Variants in KPNA1 observed in about 807,000 individuals in gnomAD.
KPNA1 encodes the protein karyopherin subunit alpha 1.
In KPNA1, 10 loss-of-function variants were observed where a neutral mutation model predicts 70.5. The ratio of observed to expected loss-of-function variants is 0.14; its 90% confidence interval spans 0.09 to 0.24. KPNA1 has a LOEUF of 0.24. Among genes scored for constraint, KPNA1 ranks in the 10% least tolerant of loss-of-function variants. KPNA1 has a pLI of 1.00. For missense variants in KPNA1, 397 were observed against 637.9 expected, an observed-to-expected ratio of 0.62 and a Z score of 4.07; for synonymous variants, 192 against 221.9, an observed-to-expected ratio of 0.87 and a Z score of 1.20.
At chr3:122,481,275 A>C (rs2076567679) in intron 2 of KPNA1, among the ~76,000 whole-genome samples, 1 of 152,210 alleles carries the variant, frequency 6.6e-6, no homozygotes, top group South Asian at 2.1e-4. Flanking sequence ...AGTTAATCCA[A>C]ATGTCCAACA....
chr3:122,487,324 G>C (rs1481872513), intron 2 of KPNA1, among the ~76,000 whole-genome samples: 1 of 152,068 alleles, frequency 6.6e-6, no homozygotes, highest in African/African-American at 2.4e-5. Flanking sequence ...AAAATAAAAC[G>C]TGTACCCACT....
intron 9 of KPNA1, among the ~76,000 whole-genome samples, chr3:122,443,451 G>A (rs757914610): frequency 6.6e-6 from 1 of 152,234 alleles, no homozygotes; most frequent in Non-Finnish European, 1.5e-5. Flanking sequence ...GAAGAGAGCA[G>A]TGGTTCTCCC....
chr3:122,514,276 T>A (rs1025723422), intron 1 of KPNA1, among the ~76,000 whole-genome samples: 14 of 151,930 alleles, frequency 9.2e-5, no homozygotes, highest in African/African-American at 3.4e-4. Flanking sequence ...ACTTGTGAAT[T>A]CCCAAGACGG....
Position 122,424,982 on chromosome 3 carries a change from G to C in KPNA1, c.*2003C>G, listed in dbSNP as rs1003099685. 2 of 152,514 alleles carry C rather than the reference G, an allele frequency of 1.3e-5. No individual in the cohort carries two copies. Among genetic ancestry groups the C allele is most frequent in the Admixed American group, 1.3e-4 (2 of 15,260 alleles). 9.4% of individuals were successfully genotyped at this position (152,514 alleles called of 1,614,324 possible). On this transcript the variant is annotated 3_prime_UTR_variant, in exon 14 of 14. Coordinates refer to ENST00000344337, the MANE Select transcript of KPNA1 (RefSeq NM_002264.4). ...ATTACAAAGAATCAGTCTTTTACAG[G>C]TCAAGTGCAGTAAACTAAAATGTTC...
chr3:122,490,666 G>C (rs2076687952), intron 2 of KPNA1, among the ~76,000 whole-genome samples: 1 of 152,116 alleles, frequency 6.6e-6, no homozygotes, highest in African/African-American at 2.4e-5. Context: ...TTTTTGCAAG[G>C]AACCTGGTTC....
chr3:122,427,999 G>C (rs940928077), intron 12 of KPNA1, among the ~76,000 whole-genome samples: 21 of 152,106 alleles, frequency 1.4e-4, no homozygotes, highest in African/African-American at 4.6e-4. Flanking sequence ...ACCTTGAAAT[G>C]AGCGACTCAT....
At chr3:122,488,129 T>G (rs1240180872) in intron 2 of KPNA1, among the ~76,000 whole-genome samples, 1 of 152,158 alleles carries the variant, frequency 6.6e-6, no homozygotes, top group Non-Finnish European at 1.5e-5. Flanking sequence ...TCCCCGTAAC[T>G]CCTATAAAAG....
At chr3:122,442,314 T>C (rs1384962055) in intron 9 of KPNA1, among the ~76,000 whole-genome samples, 198 bp from the exon 10 acceptor site, 1 of 152,190 alleles carries the variant, frequency 6.6e-6, no homozygotes, top group Non-Finnish European at 1.5e-5. Flanking sequence ...CTTATTTTAG[T>C]ACATTTGGAA....
At chr3:122,478,348 G>A (rs952364431) in intron 2 of KPNA1, among the ~76,000 whole-genome samples, 1 of 151,910 alleles carries the variant, frequency 6.6e-6, no homozygotes, top group African/African-American at 2.4e-5. Flanking sequence ...TAGGCCACGC[G>A]CATTGGCTCA....
chr3:122,486,864 A>C (rs2076635996), intron 2 of KPNA1, among the ~76,000 whole-genome samples: 1 of 152,022 alleles, frequency 6.6e-6, no homozygotes, highest in Admixed American at 6.6e-5. Context: ...TGGGATTACA[A>C]TTCTGTACAT....
intron 5 of KPNA1, among the ~76,000 whole-genome samples, chr3:122,454,314 G>A (rs2076243202): frequency 6.6e-6 from 1 of 152,130 alleles, no homozygotes; most frequent in South Asian, 2.1e-4. Context: ...AATGCAAACA[G>A]TGTACATTAA....
chr3:122,449,440 C>T (rs774694871), intron 9 of KPNA1, 134 bp downstream of exon 9: 1 of 708,570 alleles, frequency 1.4e-6, no homozygotes, highest in Non-Finnish European at 2.3e-6. Flanking sequence ...TCAAAATAAA[C>T]AAGTAACAAA....
At chr3:122,437,999 GAT>G (rs2076011517) in intron 10 of KPNA1, among the ~76,000 whole-genome samples, 1 of 152,164 alleles carries the variant, frequency 6.6e-6, no homozygotes, top group Non-Finnish European at 1.5e-5. Flanking sequence ...AAGCTAAACA[GAT>G]TAAAGACAAT....
intron 9 of KPNA1, among the ~76,000 whole-genome samples, chr3:122,444,107 T>C (rs1398673406): frequency 6.6e-6 from 1 of 152,250 alleles, no homozygotes; most frequent in Non-Finnish European, 1.5e-5. Context: ...TTCCCAGGGC[T>C]GTTCCTTGCT....
intron 11 of KPNA1, among the ~76,000 whole-genome samples, chr3:122,434,560 C>A (rs2075959760): frequency 6.6e-6 from 1 of 152,126 alleles, no homozygotes; most frequent in African/African-American, 2.4e-5. Context: ...CTTTTAAACC[C>A]CTCTAGTTCA....
intron 3 of KPNA1, among the ~76,000 whole-genome samples, chr3:122,465,630 G>A (rs1034563776): frequency 6.6e-5 from 10 of 152,202 alleles, no homozygotes; most frequent in South Asian, 2.1e-4. Flanking sequence ...GGCTGGGTGC[G>A]GTGGCTCACG....
At position 122,451,550 on chromosome 3, in the gene KPNA1, G is replaced by A; in HGVS notation, c.737C>T (p.Pro246Leu). ...LSNLCRGKSP[P>L]PEFAKVSPCL... ...AGTCCTTACCTTTGCAAATTCTGGA[G>A]GTGGACTTTTCCCTCTACAGAGATT... The change falls in exon 8 of 14, where the codon CCT (proline) becomes CTT (leucine). Residue 246 changes from proline (P) to leucine (L), a missense_variant. Transcript: ENST00000344337. 1 of 1,611,348 alleles carries A rather than the reference G, an allele frequency of 6.2e-7. No homozygotes were observed. Among genetic ancestry groups the A allele is most frequent in the Non-Finnish European group, 8.5e-7 (1 of 1,177,974 alleles).
intron 2 of KPNA1, among the ~76,000 whole-genome samples, chr3:122,469,377 T>C (rs111314261): frequency 1.3e-5 from 2 of 152,252 alleles, no homozygotes; most frequent in African/African-American, 4.8e-5. Flanking sequence ...GTAAATTTAC[T>C]GAGACTCCAG....
chr3:122,505,632 G>C (rs2076882547), intron 1 of KPNA1, among the ~76,000 whole-genome samples: 1 of 152,126 alleles, frequency 6.6e-6, no homozygotes, highest in Middle Eastern at 3.2e-3. Context: ...TTGTTTTCTA[G>C]AGAAATAAAG....
Sources: gnomAD v4.1 joint callset for allele counts (sites outside exome capture counted in the v4.1 genomes callset) on GRCh38, gnomAD v4.1.1 for gene constraint, MANE v1.5 for transcripts, NCBI Gene and HGNC (gene_info 2026-07-23, HGNC 2026-07-21) for gene names.